PDE4D: variants seen among roughly 807,000 people sequenced by gnomAD.
The protein encoded by PDE4D is phosphodiesterase 4D.
A neutral mutation model predicts 87.4 loss-of-function variants in PDE4D; 24 were observed. That is an observed-to-expected ratio of 0.27 (90% CI 0.20 to 0.39). The LOEUF (loss-of-function observed/expected upper bound fraction) is 0.39. Among genes scored for constraint, PDE4D ranks in the 10% least tolerant of loss-of-function variants. The probability of loss-of-function intolerance (pLI) is 1.00; values close to 1 mark genes in which losing one functional copy is unlikely to be tolerated. For synonymous variants in PDE4D, 384 were observed against 383.2 expected (o/e 1.00, Z -0.02); for missense variants, 714 against 1,041.0 (o/e 0.69, Z 4.32).
upstream of PDE4D, among the ~76,000 whole-genome samples, chr5:59,896,956 A>G (rs911214180): frequency 2.6e-5 from 4 of 152,178 alleles, no homozygotes; most frequent in African/African-American, 9.7e-5. Context: ...CCCTGCTTAT[A>G]TGTTAAATAA....
intron 1 of PDE4D, among the ~76,000 whole-genome samples, chr5:60,513,794 C>T (rs1750676771): frequency 6.6e-6 from 1 of 151,772 alleles, no homozygotes; most frequent in Non-Finnish European, 1.5e-5. Flanking sequence ...GAAAATCCTA[C>T]AGTAGAAAAT....
chr5:59,975,026 A>G (rs1761160501), intron 3 of PDE4D, among the ~76,000 whole-genome samples: 1 of 152,146 alleles, frequency 6.6e-6, no homozygotes, highest in Admixed American at 6.6e-5. Flanking sequence ...CTGGGTCCCA[A>G]GATGAAATGG....
chr5:60,248,411 A>C (rs932239418), intron 1 of PDE4D, among the ~76,000 whole-genome samples: 2 of 152,064 alleles, frequency 1.3e-5, no homozygotes, highest in Non-Finnish European at 2.9e-5. Context: ...CCATGGCAAG[A>C]CATTTGATCT....
At chr5:60,039,778 C>T (rs143126566) in intron 2 of PDE4D, among the ~76,000 whole-genome samples, 31 of 152,090 alleles carry the variant, frequency 2.0e-4, no homozygotes, top group African/African-American at 7.5e-4. Context: ...CATAGATGTC[C>T]TTTCCTCAGT....
At chr5:60,343,038 T>G (rs1400774528) in intron 1 of PDE4D, among the ~76,000 whole-genome samples, 1 of 152,194 alleles carries the variant, frequency 6.6e-6, no homozygotes, top group Non-Finnish European at 1.5e-5. Context: ...TTCTTTCAGT[T>G]TTGCAGGACA....
At chr5:60,316,154 T>C (rs552047954) in intron 1 of PDE4D, among the ~76,000 whole-genome samples, 9 of 152,218 alleles carry the variant, frequency 5.9e-5, no homozygotes, top group Admixed American at 3.9e-4. Flanking sequence ...GTATCCTCTT[T>C]TATTTCATTA....
chr5:59,593,657 T>G (rs962335458), intron 1 of PDE4D, among the ~76,000 whole-genome samples: 7 of 152,128 alleles, frequency 4.6e-5, no homozygotes, highest in Admixed American at 4.6e-4. Flanking sequence ...ACTGGTGAGA[T>G]AGACAGTAGG....
chr5:58,986,508 A>G (rs1329215221), intron 11 of PDE4D, among the ~76,000 whole-genome samples: 2 of 152,174 alleles, frequency 1.3e-5, no homozygotes, highest in Admixed American at 1.3e-4. Flanking sequence ...CCGCATCAGT[A>G]CTGCCTGAGC....
chr5:60,210,889 G>A (rs1743122790), intron 1 of PDE4D, among the ~76,000 whole-genome samples: 1 of 152,178 alleles, frequency 6.6e-6, no homozygotes, highest in South Asian at 2.1e-4. Flanking sequence ...TAACAGCTGC[G>A]TTTCCATCCT....
intron 1 of PDE4D, among the ~76,000 whole-genome samples, chr5:59,512,520 G>A (rs1427426314): frequency 6.6e-6 from 1 of 152,066 alleles, no homozygotes; most frequent in African/African-American, 2.4e-5. Context: ...GAATGAACTT[G>A]GGGTAAAGGT....
At chr5:59,387,377 G>C (rs1340515902) in intron 1 of PDE4D, among the ~76,000 whole-genome samples, 1 of 151,834 alleles carries the variant, frequency 6.6e-6, no homozygotes, top group South Asian at 2.1e-4. Flanking sequence ...TACTAACCTA[G>C]GTTACTAAGG....
At chr5:59,085,591 A>T (rs947586574) in intron 5 of PDE4D, among the ~76,000 whole-genome samples, 3 of 152,208 alleles carry the variant, frequency 2.0e-5, no homozygotes, top group African/African-American at 4.8e-5. Flanking sequence ...ACTATAAATT[A>T]TGAATTCATA....
chr5:59,420,832 G>C (rs78132352), intron 1 of PDE4D, among the ~76,000 whole-genome samples: 1 of 152,026 alleles, frequency 6.6e-6, no homozygotes, highest in South Asian at 2.1e-4. Flanking sequence ...ATCGGATACC[G>C]GCATACATTG....
chr5:59,451,861 C>G (rs1048276379), intron 1 of PDE4D, among the ~76,000 whole-genome samples: 3 of 152,222 alleles, frequency 2.0e-5, no homozygotes, highest in African/African-American at 7.2e-5. Flanking sequence ...ATGAGCTTGA[C>G]AGCCCTCAAA....
intron 1 of PDE4D, among the ~76,000 whole-genome samples, chr5:60,243,008 G>C (rs958933906): frequency 2.6e-5 from 4 of 151,812 alleles, no homozygotes; most frequent in Non-Finnish European, 5.9e-5. Flanking sequence ...AAATGAAATT[G>C]AAACAAGGAA....
chr5:60,280,335 TAC>T (rs1554197884), intron 1 of PDE4D, among the ~76,000 whole-genome samples: 1 of 142,540 alleles, frequency 7.0e-6, no homozygotes, highest in East Asian at 1.9e-4. Context: ...TAAATATATA[TAC>T]ACACATATAT....
chr5:60,154,680 A>C (rs1046510366), intron 2 of PDE4D, among the ~76,000 whole-genome samples: 9 of 152,224 alleles, frequency 5.9e-5, no homozygotes, highest in Non-Finnish European at 1.2e-4. Flanking sequence ...ACCCTGATCA[A>C]AAAGCAGCAT....
intron 1 of PDE4D, among the ~76,000 whole-genome samples, chr5:59,694,674 C>T (rs62370494): frequency 0.047 from 7,114 of 152,130 alleles, 187 homozygotes; most frequent in South Asian, 0.061. Context: ...TTCAGAGTCC[C>T]GCATAGAGAT....
intron 1 of PDE4D, among the ~76,000 whole-genome samples, chr5:59,827,598 GA>G (rs1244572484): frequency 7.9e-5 from 12 of 152,110 alleles, no homozygotes; most frequent in African/African-American, 2.4e-4. Flanking sequence ...TGCTAATTTA[GA>G]AACAGAAAAT....
Sources: allele counts gnomAD v4.1 joint callset (sites outside exome capture counted in the v4.1 genomes callset), GRCh38; gene constraint gnomAD v4.1.1; transcripts MANE v1.5; gene names NCBI Gene and HGNC (gene_info 2026-07-23, HGNC 2026-07-21).